The following KATNBL1 variants were observed in gnomAD, a reference collection of about 807,000 sequenced individuals.
The protein encoded by KATNBL1 is katanin regulatory subunit B1 like 1, also known as KATNB1-like protein 1.
Under a neutral mutation model 44.7 loss-of-function variants are expected in KATNBL1, and 28 were observed. The ratio of observed to expected loss-of-function variants is 0.63; its 90% CI spans 0.46 to 0.86. The LOEUF (loss-of-function observed/expected upper bound fraction) is 0.86. Among genes scored for constraint, KATNBL1 ranks in the 40% least tolerant of loss-of-function variants. The probability of loss-of-function intolerance (pLI) is 0.00; values close to 1 mark genes in which losing one functional copy is unlikely to be tolerated. For synonymous variants in KATNBL1, 78 were observed against 114.9 expected (o/e 0.68, Z 2.06); for missense variants, 272 against 350.7 (o/e 0.78, Z 1.79).
chr15:34,158,784 G>C (rs534327283), intron 2 of KATNBL1, among the ~76,000 whole-genome samples: 2 of 152,152 alleles, frequency 1.3e-5, no homozygotes, highest in Non-Finnish European at 2.9e-5. Flanking sequence ...CTCTACTTCT[G>C]CAAGGAGTTC....
At chr15:34,170,043 C>T (rs1597442646) in intron 1 of KATNBL1, among the ~76,000 whole-genome samples, 1 of 152,172 alleles carries the variant, frequency 6.6e-6, no homozygotes, top group East Asian at 1.9e-4. Flanking sequence ...CACGGATGCC[C>T]TCTCTCACCA....
At chr15:34,161,837 G>T (rs1888818197) in intron 2 of KATNBL1, among the ~76,000 whole-genome samples, 1 of 152,094 alleles carries the variant, frequency 6.6e-6, no homozygotes, top group South Asian at 2.1e-4. Context: ...CTAGAAGGGG[G>T]TTGTTTACTG....
rs919719973 is a variant in KATNBL1 at position 34,141,894 on chromosome 15, A to G, written c.*445T>C. 2 of 152,118 alleles carry G rather than the reference A, an allele frequency of 1.3e-5. No homozygotes were observed. The highest frequency in any genetic ancestry group is 4.9e-5 in the African/African-American group (2 of 41,122). 9.4% of individuals were successfully genotyped at this position (152,118 alleles called of 1,614,324 possible). A position where few individuals can be genotyped will look rare whatever the true frequency, so the allele number is the denominator to read the frequency against. ...TTTCAACATAAGAAAATAGCTGCACACATTTAAGTGTTTTTTTTTTTTAAT... is the reference window on the plus strand; with the variant it reads ...TTTCAACATAAGAAAATAGCTGCACGCATTTAAGTGTTTTTTTTTTTTAAT... On this transcript the variant is annotated 3_prime_UTR_variant, in exon 10 of 10. Coordinates refer to ENST00000256544, the MANE Select transcript of KATNBL1 (RefSeq NM_024713.3).
intron 1 of KATNBL1, among the ~76,000 whole-genome samples, chr15:34,198,547 A>T (rs1294202321): frequency 6.6e-6 from 1 of 152,244 alleles, no homozygotes. Flanking sequence ...GAGTAATCTC[A>T]ATGAATGTTT....
chr15:34,163,561 T>TA lies in KATNBL1; in HGVS notation c.115_116insT (p.Glu39ValfsTer3). ...GTTTTCTAGAAACCATAGACTTACC[T>TA]CCTTCATGTTCTTATTAGTGAAATT... is the stretch of plus-strand genomic sequence containing the variant. On this transcript the variant is annotated frameshift_variant and splice_region_variant, in exon 2 of 10. Transcript: ENST00000256544. LOFTEE classifies it high-confidence loss of function. 2 of 1,594,192 alleles carry TA rather than the reference T, an allele frequency of 1.3e-6. No individual in the cohort carries two copies. Among genetic ancestry groups the TA allele is most frequent in the Non-Finnish European group, 1.7e-6 (2 of 1,175,078 alleles).
chr15:34,154,118 A>G (rs1888565149), intron 3 of KATNBL1, among the ~76,000 whole-genome samples: 1 of 152,234 alleles, frequency 6.6e-6, no homozygotes, highest in Non-Finnish European at 1.5e-5. Flanking sequence ...CATTCAATCT[A>G]CTGTGATATC....
intron 1 of KATNBL1, among the ~76,000 whole-genome samples, chr15:34,174,724 A>G (rs73378128): frequency 0.33 from 49,672 of 151,590 alleles, 8,553 homozygotes; most frequent in African/African-American, 0.45. Flanking sequence ...GTGCGATCTC[A>G]GCTTACTGCA....
chr15:34,142,266 C>CTT lies in KATNBL1; in HGVS notation c.*71_*72dup. ...CACAGTTCACAGTTCTCAGACGAGA[C>CTT]TTTTTTTTTTTGTAAATTATACAGT... On this transcript the variant is annotated 3_prime_UTR_variant, in exon 10 of 10. Coordinates refer to ENST00000256544, the MANE Select transcript of KATNBL1 (RefSeq NM_024713.3). 69 of 1,213,004 alleles carry CTT rather than the reference C, an allele frequency of 5.7e-5. No homozygotes were observed. The highest frequency in any genetic ancestry group is 3.7e-4 in the South Asian group (20 of 53,364). The allele number at this position is 1,213,004 out of a possible 1,614,324, so 75.1% of individuals were successfully genotyped here.
intron 1 of KATNBL1, among the ~76,000 whole-genome samples, chr15:34,170,923 C>T (rs989534830): frequency 1.3e-5 from 2 of 152,168 alleles, no homozygotes; most frequent in African/African-American, 4.8e-5. Flanking sequence ...ACACCTTATA[C>T]AACAATTAAT....
At chr15:34,142,716 CTT>C (rs1455487814) in intron 9 of KATNBL1, 1 of 250,748 alleles carries the variant, frequency 4.0e-6, no homozygotes, top group Non-Finnish European at 7.8e-6. Context: ...CTTTCAATTT[CTT>C]TCTCTTTTTT....
At chr15:34,143,015 C>A in intron 9 of KATNBL1, 1 of 1,241,038 alleles carries the variant, frequency 8.1e-7, no homozygotes, top group Non-Finnish European at 1.1e-6. Context: ...CGGCCCTCTT[C>A]TTTCAATTTC....
At chr15:34,197,358 G>A (rs12910247) in intron 1 of KATNBL1, among the ~76,000 whole-genome samples, 1 of 152,146 alleles carries the variant, frequency 6.6e-6, no homozygotes, top group African/African-American at 2.4e-5. Flanking sequence ...TACCATCTTA[G>A]GCAAGTTACC....
At chr15:34,196,184 A>T (rs992785560) in intron 1 of KATNBL1, among the ~76,000 whole-genome samples, 8 of 152,008 alleles carry the variant, frequency 5.3e-5, no homozygotes, top group Non-Finnish European at 1.2e-4. Context: ...TTGGGAGGCC[A>T]AGTGGGATGG....
At chr15:34,146,918 C>T in intron 7 of KATNBL1, 68 bp from the exon 8 acceptor site, 1 of 992,384 alleles carries the variant, frequency 1.0e-6, no homozygotes, top group South Asian at 1.3e-5. Flanking sequence ...AAAGATGATA[C>T]TTTCCCTCCC....
intron 9 of KATNBL1, among the ~76,000 whole-genome samples, chr15:34,143,966 C>CAAAAAAAAAAA (rs61591705): frequency 1.5e-5 from 1 of 66,402 alleles, no homozygotes; most frequent in Non-Finnish European, 2.4e-5. Context: ...GATTCCATCT[C>CAAAAAAAAAAA]AAAAAAAAAA....
intron 3 of KATNBL1, among the ~76,000 whole-genome samples, chr15:34,153,531 T>G (rs1260356993): frequency 6.6e-6 from 1 of 152,208 alleles, no homozygotes; most frequent in East Asian, 1.9e-4. Context: ...AACGTTTTAG[T>G]GTCACGATGC....
Position 34,204,449 on chromosome 15 carries a change from C to T in KATNBL1, c.-15+5502G>A, listed in dbSNP as rs181829754. ...CAGGACCACCTCAGATACCAAAATT[C>T]GTGGATACTCATGTCCCCTAGTCAG... On this transcript the variant is annotated intron_variant, in intron 1 of 9. Coordinates refer to ENST00000256544, the MANE Select transcript of KATNBL1 (RefSeq NM_024713.3). Among the ~76,000 whole-genome samples the T allele has an allele frequency of 2.0e-3, 309 of 152,290 alleles. 1 individual carries two copies. The highest frequency in any genetic ancestry group is 3.6e-3 in the Non-Finnish European group (243 of 68,028).
At chr15:34,183,643 A>C (rs1889628416) in intron 1 of KATNBL1, among the ~76,000 whole-genome samples, 1 of 152,224 alleles carries the variant, frequency 6.6e-6, no homozygotes, top group Admixed American at 6.5e-5. Context: ...TTAATAGAGG[A>C]GGAAACTAGA....
At chr15:34,197,440 C>T (rs564207369) in intron 1 of KATNBL1, among the ~76,000 whole-genome samples, 4 of 152,234 alleles carry the variant, frequency 2.6e-5, no homozygotes, top group Non-Finnish European at 4.4e-5. Context: ...TAAATCACTC[C>T]GTAAATGTTA....
Sources: gnomAD v4.1 joint callset for allele counts (sites outside exome capture counted in the v4.1 genomes callset) on GRCh38, gnomAD v4.1.1 for gene constraint, MANE v1.5 for transcripts, NCBI Gene and HGNC (gene_info 2026-07-23, HGNC 2026-07-21) for gene names.